The following CCDC93 variants were observed in gnomAD, a reference collection of about 807,000 sequenced individuals.
CCDC93 encodes the protein coiled-coil domain-containing protein 93.
In CCDC93, 61 loss-of-function variants were observed where a neutral mutation model predicts 108.2. The ratio of observed to expected loss-of-function variants is 0.56; its 90% CI spans 0.46 to 0.70. The LOEUF (loss-of-function observed/expected upper bound fraction) is 0.70. Among genes scored for constraint, CCDC93 ranks in the 30% least tolerant of loss-of-function variants. The pLI is 0.00. For synonymous variants in CCDC93, 276 were observed against 260.4 expected (o/e 1.06, Z -0.58); for missense variants, 685 against 764.2 (o/e 0.90, Z 1.22).
chr2:117,970,045 CCA>C (rs1209113810), intron 11 of CCDC93, among the ~76,000 whole-genome samples: 1 of 152,174 alleles, frequency 6.6e-6, no homozygotes, highest in Non-Finnish European at 1.5e-5. Flanking sequence ...ACTTGTTCAA[CCA>C]CAGATATGTT....
intron 1 of CCDC93, among the ~76,000 whole-genome samples, chr2:118,011,173 A>T (rs530942247): frequency 4.7e-5 from 7 of 149,398 alleles, no homozygotes; most frequent in Admixed American, 4.1e-4. Flanking sequence ...TCATGTATTA[A>T]TAAAATGTTT....
intron 4 of CCDC93, chr2:117,999,758 G>T (rs754196685): frequency 1.3e-5 from 2 of 152,042 alleles, no homozygotes; most frequent in Non-Finnish European, 2.9e-5. Flanking sequence ...CTAATACAAC[G>T]TAAATGCTAT....
intron 11 of CCDC93, among the ~76,000 whole-genome samples, chr2:117,967,757 A>G (rs1679634701): frequency 6.6e-6 from 1 of 152,210 alleles, no homozygotes; most frequent in African/African-American, 2.4e-5. Context: ...GTACTCATTT[A>G]TAGAGCACCA....
At chr2:117,951,522 T>C (rs1679056012) in intron 13 of CCDC93, 1 of 995,582 alleles carries the variant, frequency 1.0e-6, no homozygotes, top group South Asian at 4.7e-5. Flanking sequence ...GTCATGTGAA[T>C]TCTAGAAAAG....
At chr2:117,995,606 C>G (rs534059454) in intron 5 of CCDC93, 104 bp from the exon 6 acceptor site, 1 of 879,348 alleles carries the variant, frequency 1.1e-6, no homozygotes, top group Non-Finnish European at 1.8e-6. Flanking sequence ...CTCATCACTA[C>G]TTTGCCTGAC....
rs572035821 is a variant in CCDC93 at position 117,964,145 on chromosome 2, C to T, written c.889-5664G>A. Among the ~76,000 whole-genome samples, 5 of 152,304 alleles carry T rather than the reference C, an allele frequency of 3.3e-5. No individual in the cohort carries two copies. In the South Asian group the frequency reaches 1.0e-3, roughly 32 times the overall value. On this transcript the variant is annotated intron_variant, in intron 11 of 23. Coordinates refer to ENST00000376300, the MANE Select transcript of CCDC93 (RefSeq NM_019044.5). ...TCTGATTAAAATTTTAAATCTCTCT[C>T]CCCACCTTCCTTGGCTTATTTCAGC... is the stretch of plus-strand genomic sequence containing the variant.
At chr2:117,943,863 A>C (rs899769657) in intron 18 of CCDC93, among the ~76,000 whole-genome samples, 161 bp downstream of exon 18, 10 of 152,370 alleles carry the variant, frequency 6.6e-5, no homozygotes, top group African/African-American at 2.4e-4. Context: ...CCAACATCTT[A>C]AATCACTGAG....
chr2:117,978,460 C>T (rs990534472), intron 7 of CCDC93, among the ~76,000 whole-genome samples: 2 of 152,146 alleles, frequency 1.3e-5, no homozygotes, highest in Non-Finnish European at 2.9e-5. Flanking sequence ...TATTCCCAAA[C>T]ATAATCCAAG....
intron 11 of CCDC93, among the ~76,000 whole-genome samples, chr2:117,973,140 C>T (rs1463091012): frequency 2.0e-5 from 3 of 152,176 alleles, no homozygotes; most frequent in African/African-American, 7.2e-5. Flanking sequence ...ACTGTATCAC[C>T]TGTGCAATCA....
intron 8 of CCDC93, among the ~76,000 whole-genome samples, chr2:117,977,324 G>GAGCCTC (rs1679974106): frequency 6.6e-6 from 1 of 152,108 alleles, no homozygotes; most frequent in African/African-American, 2.4e-5. Flanking sequence ...AAAAATCACT[G>GAGCCTC]AGCCTCTCTG....
intron 17 of CCDC93, 78 bp downstream of exon 17, chr2:117,945,451 G>A (rs1218140857): frequency 2.6e-6 from 3 of 1,167,718 alleles, no homozygotes; most frequent in Non-Finnish European, 3.9e-6. Context: ...GTAGGCATGA[G>A]AAGCCATCAC....
chr2:117,923,136 G>A (rs1354934164), intron 23 of CCDC93, among the ~76,000 whole-genome samples: 1 of 152,168 alleles, frequency 6.6e-6, no homozygotes, highest in African/African-American at 2.4e-5. Flanking sequence ...TTCAGGGGGT[G>A]GAACCAAGAT....
At chr2:118,013,775 T>G (rs1171970164) in intron 1 of CCDC93, among the ~76,000 whole-genome samples, 179 bp downstream of exon 1, 1 of 151,690 alleles carries the variant, frequency 6.6e-6, no homozygotes. Context: ...CCCCTGCCCA[T>G]GCAGGGGTAC....
chr2:118,009,961 G>A (rs982537610), intron 1 of CCDC93, among the ~76,000 whole-genome samples: 1 of 151,554 alleles, frequency 6.6e-6, no homozygotes, highest in Non-Finnish European at 1.5e-5. Flanking sequence ...GTCTCGCTCT[G>A]TCACCCTGGC....
At chr2:117,973,022 A>G (rs1224655830) in intron 11 of CCDC93, among the ~76,000 whole-genome samples, 1 of 152,158 alleles carries the variant, frequency 6.6e-6, no homozygotes, top group East Asian at 1.9e-4. Flanking sequence ...TCTCCCTCCC[A>G]GAGGTTCCCA....
chr2:117,980,034 G>C (rs1045709409), intron 7 of CCDC93, among the ~76,000 whole-genome samples: 3 of 152,202 alleles, frequency 2.0e-5, no homozygotes, highest in African/African-American at 7.2e-5. Context: ...GTGGCTTCTT[G>C]GTTTTTCAGA....
chr2:117,957,142 C>T (rs1679246905), intron 12 of CCDC93, among the ~76,000 whole-genome samples: 1 of 152,202 alleles, frequency 6.6e-6, no homozygotes, highest in East Asian at 1.9e-4. Flanking sequence ...TGCCCCTCCT[C>T]AGCCTCCCAA....
At chr2:117,982,019 G>A (rs1680139986) in intron 7 of CCDC93, among the ~76,000 whole-genome samples, 1 of 152,134 alleles carries the variant, frequency 6.6e-6, no homozygotes, top group Admixed American at 6.5e-5. Context: ...TCTTTTATGA[G>A]CATGTCATAG....
At chr2:117,925,700 T>C (rs141094940) in intron 23 of CCDC93, among the ~76,000 whole-genome samples, 2,026 of 151,552 alleles carry the variant, frequency 0.013, 48 homozygotes, top group African/African-American at 0.045. Context: ...ACTGTCAACA[T>C]TAGATCAACA....
Sources: gnomAD v4.1 joint callset for allele counts (sites outside exome capture counted in the v4.1 genomes callset) on GRCh38, gnomAD v4.1.1 for gene constraint, MANE v1.5 for transcripts, NCBI Gene and HGNC (gene_info 2026-07-23, HGNC 2026-07-21) for gene names.